The following THSD7B variants were observed in gnomAD, a reference collection of about 807,000 sequenced individuals.
The protein encoded by THSD7B is thrombospondin type 1 domain containing 7B, also known as thrombospondin type-1 domain-containing protein 7B.
A neutral mutation model predicts 213.6 loss-of-function variants in THSD7B; 138 were observed. The ratio of observed to expected loss-of-function variants is 0.65; its 90% CI spans 0.56 to 0.74. The LOEUF (loss-of-function observed/expected upper bound fraction) is 0.74. Among genes scored for constraint, THSD7B ranks in the 30% least tolerant of loss-of-function variants. The probability of loss-of-function intolerance (pLI) is 0.00; values close to 1 mark genes in which losing one functional copy is unlikely to be tolerated. For missense variants in THSD7B, 1,931 were observed against 1,991.5 expected (o/e 0.97, Z 0.58); for synonymous variants, 742 against 687.0 (o/e 1.08, Z -1.25).
intron 2 of THSD7B, among the ~76,000 whole-genome samples, chr2:137,029,759 G>C (rs1217076504): frequency 4.6e-5 from 7 of 152,156 alleles, no homozygotes; most frequent in Non-Finnish European, 1.0e-4. Context: ...ATCTACAAGA[G>C]AGGAGGTATA....
At chr2:136,775,765 G>T (rs902468588) in intron 1 of THSD7B, among the ~76,000 whole-genome samples, 1 of 152,094 alleles carries the variant, frequency 6.6e-6, no homozygotes, top group Non-Finnish European at 1.5e-5. Context: ...AGCTGCAGAG[G>T]TGAAGCCCCT....
chr2:136,777,933 T>C (rs544894651), intron 1 of THSD7B, among the ~76,000 whole-genome samples: 5 of 152,160 alleles, frequency 3.3e-5, no homozygotes, highest in Admixed American at 2.0e-4. Context: ...TAGAGGACTT[T>C]GAAGCCAAAA....
At chr2:136,933,108 ATTCCTTCC>A (rs56042301) in intron 2 of THSD7B, among the ~76,000 whole-genome samples, 1,923 of 130,748 alleles carry the variant, frequency 0.015, 31 homozygotes, top group East Asian at 0.058. Flanking sequence ...TTTGCCCGCC[ATTCCTTCC>A]TTCCTTCCTT....
At chr2:136,804,153 G>A (rs772096595) in intron 1 of THSD7B, among the ~76,000 whole-genome samples, 2 of 152,062 alleles carry the variant, frequency 1.3e-5, no homozygotes, top group Non-Finnish European at 2.9e-5. Context: ...AAGGTAATGT[G>A]GTGCATTGGA....
intron 1 of THSD7B, among the ~76,000 whole-genome samples, chr2:136,823,964 A>G (rs746401568): frequency 2.6e-5 from 4 of 152,202 alleles, no homozygotes; most frequent in Admixed American, 6.5e-5. Flanking sequence ...ATAATTACTA[A>G]TATGTATTGA....
chr2:137,298,486 A>G (rs974056231), intron 12 of THSD7B, among the ~76,000 whole-genome samples: 5 of 152,172 alleles, frequency 3.3e-5, no homozygotes, highest in Non-Finnish European at 4.4e-5. Context: ...AGTAGCAAGA[A>G]GCCTAATGTT....
intron 12 of THSD7B, among the ~76,000 whole-genome samples, chr2:137,318,364 G>T (rs943767456): frequency 1.8e-4 from 28 of 152,168 alleles, no homozygotes; most frequent in Non-Finnish European, 2.9e-5. Flanking sequence ...CCCAGGAATT[G>T]AGACTTAATG....
chr2:137,450,324 T>C (rs1687623010), intron 14 of THSD7B, among the ~76,000 whole-genome samples: 1 of 152,226 alleles, frequency 6.6e-6, no homozygotes, highest in Admixed American at 6.5e-5. Flanking sequence ...TTACAACTTT[T>C]TGCTATTCTT....
chr2:136,890,819 G>A (rs1435333793), intron 2 of THSD7B, among the ~76,000 whole-genome samples: 1 of 151,274 alleles, frequency 6.6e-6, no homozygotes, highest in Non-Finnish European at 1.5e-5. Context: ...GGGATTATAG[G>A]CGTGAGCTAC....
intron 14 of THSD7B, among the ~76,000 whole-genome samples, chr2:137,438,173 T>G (rs189634928): frequency 6.6e-6 from 1 of 152,130 alleles, no homozygotes; most frequent in South Asian, 2.1e-4. Context: ...AATTGAAGAT[T>G]GGAGAGGTTC....
intron 1 of THSD7B, among the ~76,000 whole-genome samples, chr2:136,790,874 A>G (rs1427598): frequency 0.96 from 145,374 of 152,142 alleles, 69,539 homozygotes; most frequent in Non-Finnish European, 0.97. Context: ...GAGAGGGGAA[A>G]CAGCGGGAGT....
chr2:137,054,125 C>T (rs1276810522), intron 2 of THSD7B, among the ~76,000 whole-genome samples: 1 of 152,112 alleles, frequency 6.6e-6, no homozygotes, highest in Non-Finnish European at 1.5e-5. Flanking sequence ...TCTACATTAC[C>T]AGAATTGTGG....
In THSD7B at chr2:137,618,380, C is replaced by T; in HGVS notation, c.3566-12C>T. ...ATTTTGAAACTCAGTGTGGGTGATC[C>T]TATGCCTGTAGAGTGGAGCACATGC... is the stretch of plus-strand genomic sequence containing the variant. On this transcript the variant is annotated splice_polypyrimidine_tract_variant and intron_variant, in intron 18 of 27. Transcript: ENST00000409968. The T allele has an allele frequency of 6.2e-7, 1 of 1,612,146 alleles. No homozygotes were observed. The highest frequency in any genetic ancestry group is 8.5e-7 in the Non-Finnish European group (1 of 1,178,676).
chr2:137,010,472 T>G (rs992695875), intron 2 of THSD7B, among the ~76,000 whole-genome samples: 3 of 152,232 alleles, frequency 2.0e-5, no homozygotes, highest in African/African-American at 7.2e-5. Context: ...GTCTCTGCTA[T>G]GTTCTACCAT....
intron 16 of THSD7B, among the ~76,000 whole-genome samples, chr2:137,564,460 G>A (rs1558841468): frequency 6.6e-6 from 1 of 152,122 alleles, no homozygotes; most frequent in Non-Finnish European, 1.5e-5. Flanking sequence ...TTTGTACATT[G>A]CCCTTTCTTC....
chr2:137,008,204 T>G (rs1274208794), intron 2 of THSD7B, among the ~76,000 whole-genome samples: 1 of 152,150 alleles, frequency 6.6e-6, no homozygotes, highest in East Asian at 1.9e-4. Flanking sequence ...CTTTCTGCAT[T>G]CTACACTCTT....
intron 12 of THSD7B, among the ~76,000 whole-genome samples, chr2:137,295,752 G>C (rs1199867174): frequency 6.6e-6 from 1 of 152,066 alleles, no homozygotes; most frequent in Non-Finnish European, 1.5e-5. Context: ...GGGATTACAG[G>C]CATGAGCCAC....
chr2:137,559,135 C>A (rs889570167), intron 15 of THSD7B, among the ~76,000 whole-genome samples: 1 of 152,136 alleles, frequency 6.6e-6, no homozygotes, highest in South Asian at 2.1e-4. Context: ...AATGGCCATA[C>A]TGCCCAAGGT....
intron 15 of THSD7B, among the ~76,000 whole-genome samples, chr2:137,514,688 C>T (rs941963156): frequency 6.6e-6 from 1 of 151,976 alleles, no homozygotes; most frequent in Non-Finnish European, 1.5e-5. Context: ...TATGATGAAC[C>T]CAAAAATGTT....
Sources: gnomAD v4.1 joint callset for allele counts (sites outside exome capture counted in the v4.1 genomes callset) on GRCh38, gnomAD v4.1.1 for gene constraint, MANE v1.5 for transcripts, NCBI Gene and HGNC (gene_info 2026-07-23, HGNC 2026-07-21) for gene names.